SLC5A5: variants seen among roughly 807,000 people sequenced by gnomAD.
SLC5A5 encodes the protein solute carrier family 5 member 5, also known as sodium/iodide cotransporter.
A neutral mutation model predicts 68.6 loss-of-function variants in SLC5A5; 56 were observed. The ratio of observed to expected loss-of-function variants is 0.82; its 90% CI spans 0.66 to 1.02. SLC5A5 has a LOEUF of 1.02. SLC5A5 is among the 50% of genes least tolerant of loss of function. The pLI is 0.00. For missense variants in SLC5A5, 807 were observed against 859.8 expected (o/e 0.94, Z 0.77); for synonymous variants, 398 against 373.0 (o/e 1.07, Z -0.77).
intron 12 of SLC5A5, among the ~76,000 whole-genome samples, chr19:17,887,153 T>A (rs895079584): frequency 6.6e-6 from 1 of 152,222 alleles, no homozygotes; most frequent in Admixed American, 6.5e-5. Flanking sequence ...ATTGTTGAGT[T>A]ATAATTTACA....
rs58144613 is a variant in SLC5A5 at position 17,888,588 on chromosome 19, C to A, written c.1651+133C>A. 1.2e-3 allele frequency: 568 copies of A among 469,478 alleles called. 5 individuals are homozygous for A. The African/African-American group carries it at 0.012, about 10-fold the overall frequency. 29.1% of individuals were successfully genotyped at this position (469,478 alleles called of 1,614,324 possible). Reference sequence around the variant, plus strand: ...CACTGTGTGCTGTACACATTTGTACCTTATTATTATTATTATTATTATTAT... The same window carrying A: ...CACTGTGTGCTGTACACATTTGTACATTATTATTATTATTATTATTATTAT... On this transcript the variant is annotated intron_variant, in intron 13 of 14. Transcript: ENST00000222248.
intron 13 of SLC5A5, among the ~76,000 whole-genome samples, chr19:17,889,748 CCAA>C (rs60721990): frequency 0.033 from 5,102 of 152,316 alleles, 267 homozygotes; most frequent in African/African-American, 0.11. Flanking sequence ...ACTCCTCTCC[CCAA>C]CAAGATTAAG....
intron 10 of SLC5A5, among the ~76,000 whole-genome samples, chr19:17,882,689 AT>A (rs113120718): frequency 3.0e-5 from 4 of 134,300 alleles, no homozygotes; most frequent in Admixed American, 7.4e-5. Context: ...ATATTTTTGT[AT>A]TTTTTTTTCT....
intron 4 of SLC5A5, 61 bp from the exon 5 acceptor site, chr19:17,875,891 C>T (rs2147731663): frequency 5.1e-6 from 8 of 1,560,090 alleles, no homozygotes; most frequent in Middle Eastern, 1.7e-4. Flanking sequence ...GTCCTAGGCA[C>T]CACTGAAGGC....
At chr19:17,872,707 G>A in intron 1 of SLC5A5, 31 bp downstream of exon 1, 5 of 1,330,910 alleles carry the variant, frequency 3.8e-6, no homozygotes, top group African/African-American at 1.4e-5. Flanking sequence ...GGTAGGACCT[G>A]CCCCACTGGC....
intron 5 of SLC5A5, among the ~76,000 whole-genome samples, chr19:17,876,590 G>A (rs961365603): frequency 2.0e-5 from 3 of 152,012 alleles, no homozygotes; most frequent in African/African-American, 7.2e-5. Context: ...TAGGCTGGGC[G>A]CGGTGGCTCA....
In SLC5A5 at chr19:17,874,723, A is replaced by ACCACAGC. The variant is rs2094302838; in HGVS notation, c.536_537insCACAGCC (p.Ala180ThrfsTer14). The stretch of plus-strand genomic sequence containing the variant: ...CACCGGAATTATCTGCACCTTCTAC[A>ACCACAGC]CGGCTGTGGTGAGTGGCCCTGGGAA... On this transcript the variant is annotated frameshift_variant, in exon 4 of 15. Transcript: ENST00000222248. LOFTEE classifies it high-confidence loss of function. The ACCACAGC allele has an allele frequency of 1.2e-6, 2 of 1,613,846 alleles. No homozygotes were observed. Among genetic ancestry groups the ACCACAGC allele is most frequent in the African/African-American group, 2.7e-5 (2 of 74,886 alleles).
At chr19:17,893,163 T>C (rs1288325927) in intron 14 of SLC5A5, among the ~76,000 whole-genome samples, 1 of 151,116 alleles carries the variant, frequency 6.6e-6, no homozygotes, top group South Asian at 2.1e-4. Flanking sequence ...TGTAGTGGCA[T>C]GACCATGGCT....
At chr19:17,876,443 A>T (rs1181786367) in intron 5 of SLC5A5, among the ~76,000 whole-genome samples, 1 of 143,986 alleles carries the variant, frequency 6.9e-6, no homozygotes, top group African/African-American at 2.6e-5. Context: ...AAAAAAAAAA[A>T]GAGGCTGGGT....
chr19:17,891,318 G>A (rs1366843669), intron 14 of SLC5A5, among the ~76,000 whole-genome samples: 4 of 152,122 alleles, frequency 2.6e-5, no homozygotes, highest in Non-Finnish European at 4.4e-5. Context: ...CGATTCTCCT[G>A]CCTCAGCCTC....
chr19:17,891,160 T>G (rs1255831915), intron 14 of SLC5A5, among the ~76,000 whole-genome samples, 159 bp downstream of exon 14: 1 of 152,186 alleles, frequency 6.6e-6, no homozygotes, highest in Non-Finnish European at 1.5e-5. Flanking sequence ...CTCAACAGTT[T>G]TTATCTCCCT....
intron 3 of SLC5A5, 21 bp downstream of exon 3, chr19:17,874,566 G>C (rs373526701): frequency 2.4e-5 from 39 of 1,613,550 alleles, no homozygotes; most frequent in Non-Finnish European, 3.3e-5. Context: ...GGGAGATTAG[G>C]GAAGCATGTC....
intron 12 of SLC5A5, among the ~76,000 whole-genome samples, chr19:17,884,293 T>C (rs1212764110): frequency 6.6e-6 from 1 of 152,008 alleles, no homozygotes; most frequent in Non-Finnish European, 1.5e-5. Flanking sequence ...AGGAAGCTAG[T>C]ACTTTTTTTG....
intron 5 of SLC5A5, 66 bp downstream of exon 5, chr19:17,876,172 G>C (rs1568419873): frequency 1.9e-6 from 3 of 1,554,854 alleles, no homozygotes; most frequent in Non-Finnish European, 1.8e-6. Flanking sequence ...GCTCATGCCT[G>C]TAATCCCAGC....
chr19:17,887,245 A>C (rs1311275552), intron 12 of SLC5A5, among the ~76,000 whole-genome samples: 2 of 152,140 alleles, frequency 1.3e-5, no homozygotes, highest in African/African-American at 2.4e-5. Flanking sequence ...CCCATTCTGT[A>C]GGTTGTCTTC....
chr19:17,890,625 A>C (rs1450786348), intron 13 of SLC5A5, among the ~76,000 whole-genome samples: 1 of 151,930 alleles, frequency 6.6e-6, no homozygotes, highest in East Asian at 1.9e-4. Context: ...CTACTGGGCA[A>C]CTCTAAGCAA....
At chr19:17,882,895 G>C (rs58187152) in intron 10 of SLC5A5, among the ~76,000 whole-genome samples, 2,706 of 110,968 alleles carry the variant, frequency 0.024, 88 homozygotes, top group African/African-American at 0.072. Context: ...GTGTTAGCCA[G>C]GATGGTCTCG....
Position 17,893,985 on chromosome 19 carries a change from A to G in SLC5A5, c.*108A>G. ...GCTCTGATTGGCTGGATTGCCTTGT[A>G]TGCAAATGAGTTCAGGACTACAATA... On this transcript the variant is annotated 3_prime_UTR_variant, in exon 15 of 15. Transcript: ENST00000222248. 1.8e-6 allele frequency: 2 copies of G among 1,114,798 alleles called. No homozygotes were observed. The highest frequency in any genetic ancestry group is 2.7e-6 in the Non-Finnish European group (2 of 753,868). The allele number at this position is 1,114,798 out of a possible 1,614,324, so 69.1% of individuals were successfully genotyped here. A position where few individuals can be genotyped will look rare whatever the true frequency, so the allele number is the denominator to read the frequency against.
intron 12 of SLC5A5, 25 bp downstream of exon 12, chr19:17,884,071 G>A: frequency 1.3e-6 from 2 of 1,528,858 alleles, no homozygotes; most frequent in Non-Finnish European, 1.8e-6. Context: ...GGGTAGGGGG[G>A]TACCCGAGCC....
Sources: allele counts gnomAD v4.1 joint callset (sites outside exome capture counted in the v4.1 genomes callset), GRCh38; gene constraint gnomAD v4.1.1; transcripts MANE v1.5; gene names NCBI Gene and HGNC (gene_info 2026-07-23, HGNC 2026-07-21).